MSC: variants seen among roughly 807,000 people sequenced by gnomAD.
MSC encodes activated B-cell factor 1, homolog of mouse musculin.
Under a neutral mutation model 14.4 loss-of-function variants are expected in MSC, and 16 were observed. That is an observed-to-expected ratio of 1.11 (90% confidence interval 0.75 to 1.69). The LOEUF (loss-of-function observed/expected upper bound fraction) is 1.69. MSC is among the 40% of genes most tolerant of loss of function. The probability of loss-of-function intolerance (pLI) is 0.00; values close to 1 mark genes in which losing one functional copy is unlikely to be tolerated. For synonymous variants in MSC, 165 were observed against 128.5 expected, an observed-to-expected ratio of 1.28 and a Z score of -1.92; for missense variants, 320 against 288.1, an observed-to-expected ratio of 1.11 and a Z score of -0.80.
rs1187860989 is a variant in MSC at position 71,841,574 on chromosome 8, C to A, written c.*1087G>T. The A allele has an allele frequency of 1.3e-5, 2 of 152,158 alleles. No individual in the cohort carries two copies. Among genetic ancestry groups the A allele is most frequent in the Non-Finnish European group, 1.5e-5 (1 of 68,020 alleles). 9.4% of individuals were successfully genotyped at this position (152,158 alleles called of 1,614,324 possible). A position where few individuals can be genotyped will look rare whatever the true frequency, so the allele number is the denominator to read the frequency against. ...TCCAAGGGGCACACGGTTTTTACAG[C>A]GCGTTTTATTATTCATAAAAAAATA... On this transcript the variant is annotated 3_prime_UTR_variant, in exon 2 of 2. Coordinates refer to ENST00000325509, the MANE Select transcript of MSC (RefSeq NM_005098.4).
chr8:71,842,796 A>C, intron 1 of MSC, 49 bp from the exon 2 acceptor site: 1 of 1,543,460 alleles, frequency 6.5e-7, no homozygotes, highest in East Asian at 2.2e-5. Context: ...GATTGTCTCA[A>C]ACCGAAACAG....
rs1438933495 is a variant in MSC at position 71,842,315 on chromosome 8, T to A, written c.*346A>T. On this transcript the variant is annotated 3_prime_UTR_variant, in exon 2 of 2. Transcript: ENST00000325509. The stretch of plus-strand genomic sequence containing the variant: ...ACGTGTGCGATGAATCTGGCTCCGC[T>A]GAGAACGGATCCGTGGGCTGTCTGG... The A allele has an allele frequency of 5.9e-6, 2 of 337,584 alleles. No homozygotes were observed. The highest frequency in any genetic ancestry group is 2.1e-5 in the African/African-American group (1 of 47,268). The allele number at this position is 337,584 out of a possible 1,614,324, so 20.9% of individuals were successfully genotyped here.
chr8:71,843,579 G>A (rs10101759), intron 1 of MSC, 66 bp downstream of exon 1: 1 of 1,610,064 alleles, frequency 6.2e-7, no homozygotes, highest in South Asian at 1.1e-5. Flanking sequence ...GACCCTGCCC[G>A]GCGCCCAGGA....
chr8:71,843,702 C>T lies in MSC; in HGVS notation c.477G>A (p.Leu159=), dbSNP rs761169096. Residue 159 remains leucine (L), a synonymous_variant, in exon 1 of 2, where the codon CTG becomes CTA. Coordinates refer to ENST00000325509, the MANE Select transcript of MSC (RefSeq NM_005098.4). The part of the protein sequence containing the change: ...LRLASSYIAH[L]RQLLQEDRYE... ...AGCGGTCCTCCTGCAACAGCTGCCG[C>T]AGGTGAGCGATGTAACTGGAAGCCA... 1.9e-6 allele frequency: 3 copies of T among 1,614,230 alleles called. No individual in the cohort carries two copies. The highest frequency in any genetic ancestry group is 2.2e-5 in the South Asian group (2 of 91,088).
Position 71,844,187 on chromosome 8 carries a change from C to T in MSC, c.-9G>A. On this transcript the variant is annotated 5_prime_UTR_variant, in exon 1 of 2. Transcript: ENST00000325509. ...ACCGAGCCCGTGGACATCCCGTTGT[C>T]CCCCTTGCCCACACGCGTCCTCTTT... 1 of 1,579,328 alleles carries T rather than the reference C, an allele frequency of 6.3e-7. No homozygotes were observed. Among genetic ancestry groups the T allele is most frequent in the Non-Finnish European group, 8.6e-7 (1 of 1,160,996 alleles).
Position 71,843,915 on chromosome 8 carries a change from GC to G in MSC, c.263del (p.Gly88AlafsTer36). 1.3e-6 allele frequency: 2 copies of G among 1,581,826 alleles called. No homozygotes were observed. The highest frequency in any genetic ancestry group is 1.7e-6 in the Non-Finnish European group (2 of 1,165,876). On this transcript the variant is annotated frameshift_variant, in exon 1 of 2. Transcript: ENST00000325509. LOFTEE classifies it high-confidence loss of function. ...CCGGGAGGGGCTTCTTGCCACCACCGCCCGCGCTACCACCTGCGCCGCCGCC... is the reference window on the plus strand; with the variant it reads ...CCGGGAGGGGCTTCTTGCCACCACCGCCGCGCTACCACCTGCGCCGCCGCC... ...AGGGGAGGSA[G>X]GGGKKPLPAK... is the part of the protein sequence containing the mutation.
chr8:71,844,092 C>A lies in MSC; in HGVS notation c.87G>T (p.Pro29=). The change falls in exon 1 of 2, where the codon CCG becomes CCT. Residue 29 remains proline, a synonymous_variant. Coordinates refer to ENST00000325509, the MANE Select transcript of MSC (RefSeq NM_005098.4). ...REYPVPASKR[P]PLRGVERSYA... is the part of the protein sequence containing the mutation. ...AGCTGCGCTCTACGCCGCGGAGGGG[C>A]GGCCTCTTGGAGGCGGGGACCGGGT... The A allele has an allele frequency of 6.6e-7, 1 of 1,520,620 alleles. No individual in the cohort carries two copies. Among genetic ancestry groups the A allele is most frequent in the Non-Finnish European group, 8.8e-7 (1 of 1,135,454 alleles). 94.2% of individuals were successfully genotyped at this position (1,520,620 alleles called of 1,614,324 possible).
chr8:71,843,454 T>C (rs1211316295), intron 1 of MSC, 191 bp downstream of exon 1: 2 of 741,200 alleles, frequency 2.7e-6, no homozygotes, highest in Admixed American at 2.0e-5. Context: ...ACACGGAGGG[T>C]TGATTCTTCT....
At position 71,842,485 on chromosome 8, in the gene MSC, G is replaced by T. The variant is rs759976877; in HGVS notation, c.*176C>A. ...ATCCGGCGCAGCTGTAGCCGTGGGC[G>T]CTGTGCAGTGACAGCCACACCCGCC... On this transcript the variant is annotated 3_prime_UTR_variant, in exon 2 of 2. Coordinates refer to ENST00000325509, the MANE Select transcript of MSC (RefSeq NM_005098.4). 62 of 689,240 alleles carry T rather than the reference G, an allele frequency of 9.0e-5. No homozygotes were observed. The highest frequency in any genetic ancestry group is 1.5e-4 in the Non-Finnish European group (56 of 383,270). 42.7% of individuals were successfully genotyped at this position (689,240 alleles called of 1,614,324 possible).
At position 71,842,665 on chromosome 8, in the gene MSC, G is replaced by C. The variant is rs757305977; in HGVS notation, c.617C>G (p.Ala206Gly). ...SAANRLCGTT[A>G] ...TCAAGTGAGTTCCAGTCCGATTTAA[G>C]CGGTGGTTCCACATAGTCTGTTGGC... The change falls in exon 2 of 2, where the codon GCT becomes GGT. Residue 206 changes from alanine (A) to glycine (G), a missense_variant. By Grantham distance (60) the Ala-to-Gly change is moderately conservative. Transcript: ENST00000325509. 6.2e-7 allele frequency: 1 copy of C among 1,614,004 alleles called. No individual in the cohort carries two copies. The highest frequency in any genetic ancestry group is 1.3e-5 in the African/African-American group (1 of 74,924).
Position 71,844,002 on chromosome 8 carries a change from G to A in MSC, c.177C>T (p.Cys59=). 1 of 1,568,678 alleles carries A rather than the reference G, an allele frequency of 6.4e-7. No individual in the cohort carries two copies. The change falls in exon 1 of 2, where the codon TGC becomes TGT. Residue 59 remains cysteine, a synonymous_variant. Coordinates refer to ENST00000325509, the MANE Select transcript of MSC (RefSeq NM_005098.4). ...EEDPDGEEER[C]ALGTAGSAEG... Reference sequence around the variant, plus strand: ...CCGCGCTGCCGGCTGTGCCCAGAGCGCAGCGCTCCTCCTCGCCGTCGGGGT... The same window carrying A: ...CCGCGCTGCCGGCTGTGCCCAGAGCACAGCGCTCCTCCTCGCCGTCGGGGT...
intron 1 of MSC, 116 bp from the exon 2 acceptor site, chr8:71,842,863 AT>A: frequency 1.1e-6 from 1 of 893,452 alleles, no homozygotes; most frequent in East Asian, 2.4e-5. Context: ...TTTTATCAGC[AT>A]TCTGGGAATT....
rs1807442310 is a variant in MSC at position 71,843,699 on chromosome 8, C to A, written c.480G>T (p.Arg160=). The A allele has an allele frequency of 1.2e-6, 2 of 1,614,254 alleles. No homozygotes were observed. The highest frequency in any genetic ancestry group is 1.3e-5 in the African/African-American group (1 of 75,084). The change falls in exon 1 of 2, where the codon CGG becomes CGT. Residue 160 remains arginine, a synonymous_variant. Transcript: ENST00000325509. The stretch of plus-strand genomic sequence containing the variant: ...CATAGCGGTCCTCCTGCAACAGCTG[C>A]CGCAGGTGAGCGATGTAACTGGAAG... The part of the protein sequence containing the change: ...RLASSYIAHL[R]QLLQEDRYEN...
In MSC at chr8:71,844,125, C is replaced by T. The variant is rs1206115449; in HGVS notation, c.54G>A (p.Gln18=). The T allele has an allele frequency of 2.6e-6, 4 of 1,525,982 alleles. No individual in the cohort carries two copies. Among genetic ancestry groups the T allele is most frequent in the Admixed American group, 2.1e-5 (1 of 47,098 alleles). The allele number at this position is 1,525,982 out of a possible 1,614,324, so 94.5% of individuals were successfully genotyped here. The change falls in exon 1 of 2, where the codon CAG becomes CAA. Residue 18 remains glutamine, a synonymous_variant. Transcript: ENST00000325509. ...DPEEMELRGL[Q]REYPVPASKR... Reference sequence around the variant, plus strand: ...TGGAGGCGGGGACCGGGTACTCCCGCTGCAGCCCCCGAAGCTCCATCTCCT... The same window carrying T: ...TGGAGGCGGGGACCGGGTACTCCCGTTGCAGCCCCCGAAGCTCCATCTCCT...
intron 1 of MSC, chr8:71,843,220 T>C (rs1406002047): frequency 9.3e-6 from 3 of 320,868 alleles, no homozygotes; most frequent in Admixed American, 9.2e-5. Context: ...AAGCAATTTT[T>C]CTAAAAATGC....
chr8:71,843,634 C>G lies in MSC; in HGVS notation c.534+11G>C. 1.2e-6 allele frequency: 2 copies of G among 1,614,120 alleles called. No homozygotes were observed. The highest frequency in any genetic ancestry group is 1.7e-6 in the Non-Finnish European group (2 of 1,180,016). On this transcript the variant is annotated intron_variant, in intron 1 of 1. Transcript: ENST00000325509. The stretch of plus-strand genomic sequence containing the variant: ...GCTGCTCTCCCGAATCCTTGCGCGC[C>G]GCGCCCCTACCAGGTTCACTGGGTG...
Position 71,842,766 on chromosome 8 carries a change from G to C in MSC, c.535-19C>G. 1.2e-6 allele frequency: 2 copies of C among 1,608,800 alleles called. No individual in the cohort carries two copies. The highest frequency in any genetic ancestry group is 1.7e-6 in the Non-Finnish European group (2 of 1,175,294). ...GCCATGTCTGTAAATCAAAAAGAAC[G>C]TGAGATATTAGAGAGAAACGATTGT... On this transcript the variant is annotated intron_variant, in intron 1 of 1. Coordinates refer to ENST00000325509, the MANE Select transcript of MSC (RefSeq NM_005098.4).
In MSC at chr8:71,843,460, C is replaced by A; in HGVS notation, c.534+185G>T. ...TGCAAACAGACACGGAGGGTTGATTCTTCTTCAGGGAAATGGCTGGCCACT... is the reference window on the plus strand; with the variant it reads ...TGCAAACAGACACGGAGGGTTGATTATTCTTCAGGGAAATGGCTGGCCACT... On this transcript the variant is annotated intron_variant, in intron 1 of 1. Coordinates refer to ENST00000325509, the MANE Select transcript of MSC (RefSeq NM_005098.4). 3 of 765,200 alleles carry A rather than the reference C, an allele frequency of 3.9e-6. No individual in the cohort carries two copies. In the South Asian group the frequency reaches 4.5e-5, roughly 11 times the overall value. 47.4% of individuals were successfully genotyped at this position (765,200 alleles called of 1,614,324 possible).
At position 71,841,610 on chromosome 8, in the gene MSC, CAT is replaced by C. The variant is rs1395912150; in HGVS notation, c.*1049_*1050del. 4 of 152,350 alleles carry C rather than the reference CAT, an allele frequency of 2.6e-5. No individual in the cohort carries two copies. The East Asian group carries it at 5.8e-4, about 22-fold the overall frequency. 9.4% of individuals were successfully genotyped at this position (152,350 alleles called of 1,614,324 possible). Reference sequence around the variant, plus strand: ...ATTCATAAAAAAATAAATTTATTTACATATGTTATTTCCTGTGGTAGTGCAGC... The same window carrying C: ...ATTCATAAAAAAATAAATTTATTTACATGTTATTTCCTGTGGTAGTGCAGC... On this transcript the variant is annotated 3_prime_UTR_variant, in exon 2 of 2. Coordinates refer to ENST00000325509, the MANE Select transcript of MSC (RefSeq NM_005098.4).
Sources: gnomAD v4.1 joint callset for allele counts on GRCh38, gnomAD v4.1.1 for gene constraint, MANE v1.5 for transcripts, NCBI Gene and HGNC (gene_info 2026-07-23, HGNC 2026-07-21) for gene names.